Variants in FKBP8 observed in about 807,000 individuals in gnomAD.
FKBP8 encodes peptidyl-prolyl cis-trans isomerase FKBP8.
A neutral mutation model predicts 41.7 loss-of-function variants in FKBP8; 5 were observed. The observed-to-expected ratio is 0.12, with a 90% CI of 0.06 to 0.25. FKBP8 has a LOEUF of 0.25. Among genes scored for constraint, FKBP8 ranks in the 10% least tolerant of loss-of-function variants. The pLI is 1.00. For missense variants in FKBP8, 397 were observed against 563.0 expected, an observed-to-expected ratio of 0.71 and a Z score of 2.98; for synonymous variants, 279 against 254.5, an observed-to-expected ratio of 1.10 and a Z score of -0.92.
chr19:18,538,130 T>A lies in FKBP8; in HGVS notation c.772+86A>T. The A allele has an allele frequency of 7.3e-7, 1 of 1,378,028 alleles. No individual in the cohort carries two copies. The highest frequency in any genetic ancestry group is 1.0e-6 in the Non-Finnish European group (1 of 997,092). The allele number at this position is 1,378,028 out of a possible 1,614,324, so 85.4% of individuals were successfully genotyped here. On this transcript the variant is annotated intron_variant, in intron 5 of 8. Coordinates refer to ENST00000608443, the MANE Select transcript of FKBP8 (RefSeq NM_012181.5). This position sits in a 1 kb window ranked among gnomAD's most constrained non-coding sequence, Gnocchi z 4.0. The stretch of plus-strand genomic sequence containing the variant: ...CTGGGCTATTCTAGAATATTCTGAG[T>A]CTGAGGCTCTCTGGGGCTGGAAGTT...
intron 6 of FKBP8, among the ~76,000 whole-genome samples, chr19:18,536,692 T>A (rs1220381302): frequency 6.6e-6 from 1 of 152,154 alleles, no homozygotes; most frequent in African/African-American, 2.4e-5. Context: ...GCACCTACTA[T>A]GTACCTGGCC....
intron 7 of FKBP8, 122 bp from the exon 8 acceptor site, chr19:18,532,917 G>T: frequency 6.8e-7 from 1 of 1,464,946 alleles, no homozygotes; most frequent in Non-Finnish European, 9.1e-7. Flanking sequence ...GGTCCCATCT[G>T]CCCCTTTCTG....
At position 18,537,800 on chromosome 19, in the gene FKBP8, C is replaced by T; in HGVS notation, c.773-27G>A. 2 of 1,582,688 alleles carry T rather than the reference C, an allele frequency of 1.3e-6. No homozygotes were observed. The highest frequency in any genetic ancestry group is 2.3e-5 in the South Asian group (2 of 87,280). On this transcript the variant is annotated intron_variant, in intron 5 of 8. Transcript: ENST00000608443. The surrounding 1 kb of genome is among the most constrained non-coding windows in gnomAD (Gnocchi z 4.4). ...TATTGGGAGACAGTGCCCGCCACGG[C>T]AGCCGTCACCATGCCACCAGACACC... is the stretch of plus-strand genomic sequence containing the variant.
At chr19:18,532,374 TC>T in intron 8 of FKBP8, 119 bp from the exon 9 acceptor site, 12 of 1,087,800 alleles carry the variant, frequency 1.1e-5, no homozygotes, top group Middle Eastern at 4.0e-4. Flanking sequence ...ACTATGTATT[TC>T]CCACTTCCTG....
chr19:18,535,504 G>T lies in FKBP8; in HGVS notation c.945+2097C>A, dbSNP rs377594824. On this transcript the variant is annotated intron_variant, in intron 6 of 8. Transcript: ENST00000608443. The stretch of plus-strand genomic sequence containing the variant: ...GGAGAAGATGGAGCTGGGCGAAGTG[G>T]CTCACGCCTATAATCCCAGCACTTT... Among the ~76,000 whole-genome samples the T allele has an allele frequency of 5.3e-5, 8 of 151,656 alleles. No individual in the cohort carries two copies. In the East Asian group the frequency reaches 1.2e-3, roughly 22 times the overall value.
chr19:18,533,231 C>T (rs1212112140), intron 7 of FKBP8, 39 bp downstream of exon 7: 3 of 1,520,228 alleles, frequency 2.0e-6, no homozygotes, highest in African/African-American at 2.7e-5. Context: ...GAGGGACTTC[C>T]CAGCCGAGCA....
intron 2 of FKBP8, among the ~76,000 whole-genome samples, 158 bp downstream of exon 2, chr19:18,541,521 G>T (rs1023672553): frequency 2.6e-5 from 4 of 152,242 alleles, no homozygotes; most frequent in African/African-American, 9.6e-5. Context: ...TCAGTGGATA[G>T]AGTACATCAA....
At chr19:18,533,420 G>A in intron 6 of FKBP8, 73 bp from the exon 7 acceptor site, 1 of 1,271,998 alleles carries the variant, frequency 7.9e-7, no homozygotes, top group Non-Finnish European at 1.1e-6. Context: ...CAGCCCAGGA[G>A]GTTGCAGTGA....
rs1457483726 is a variant in FKBP8, at chr19:18,531,873, C to T, written c.*296G>A. ...CGGGGACTAGGCAGGGGAAGGGCTGCCCCCAGGCCTGTTGAGGAGAAACTG... is the reference window on the plus strand; with the variant it reads ...CGGGGACTAGGCAGGGGAAGGGCTGTCCCCAGGCCTGTTGAGGAGAAACTG... On this transcript the variant is annotated 3_prime_UTR_variant, in exon 9 of 9. Transcript: ENST00000608443. The T allele has an allele frequency of 1.3e-5, 5 of 397,494 alleles. No homozygotes were observed. Among genetic ancestry groups the T allele is most frequent in the Non-Finnish European group, 2.4e-5 (5 of 212,632 alleles). 24.6% of individuals were successfully genotyped at this position (397,494 alleles called of 1,614,324 possible). A position where few individuals can be genotyped will look rare whatever the true frequency, so the allele number is the denominator to read the frequency against.
chr19:18,537,706 C>G lies in FKBP8; in HGVS notation c.840G>C (p.Ala280=). The part of the protein sequence containing the change: ...QLKVKCLNNL[A]ASQLKLDHYR... ...AGTGGTCGAGCTTCAGCTGCGAGGC[C>G]GCCAGGTTGTTCAGACACTTCACCT... The change falls in exon 6 of 9, where the codon GCG becomes GCC. Residue 280 remains alanine, a synonymous_variant. Coordinates refer to ENST00000608443, the MANE Select transcript of FKBP8 (RefSeq NM_012181.5). This position sits in a 1 kb window ranked among gnomAD's most constrained non-coding sequence, Gnocchi z 4.4. 6.2e-7 allele frequency: 1 copy of G among 1,613,986 alleles called. No individual in the cohort carries two copies. Among genetic ancestry groups the G allele is most frequent in the Non-Finnish European group, 8.5e-7 (1 of 1,179,960 alleles).
At position 18,537,672 on chromosome 19, in the gene FKBP8, C is replaced by G; in HGVS notation, c.874G>C (p.Ala292Pro). 6.2e-7 allele frequency: 1 copy of G among 1,613,764 alleles called. No homozygotes were observed. Residue 292 changes from alanine (A) to proline (P), a missense_variant, in exon 6 of 9, where the codon GCC (alanine) becomes CCC (proline). Physicochemically the swap from Ala to Pro is conservative, Grantham distance 27. Around this residue, in one of 2 missense-constraint regions of FKBP8, gnomAD observed 225 missense variants for 366.8 expected, o/e 0.61. Transcript: ENST00000608443. This position sits in a 1 kb window ranked among gnomAD's most constrained non-coding sequence, Gnocchi z 4.4. ...SQLKLDHYRAALRSCSLVLEH... is the reference protein window; with the variant it reads ...SQLKLDHYRAPLRSCSLVLEH... ...AGCACAAGGCTGCAGGAGCGCAGGGCTGCGCGGTAGTGGTCGAGCTTCAGC... is the reference window on the plus strand; with the variant it reads ...AGCACAAGGCTGCAGGAGCGCAGGGGTGCGCGGTAGTGGTCGAGCTTCAGC...
rs140762580 is a variant in FKBP8, at chr19:18,534,293, C to T, written c.946-946G>A. Among the ~76,000 whole-genome samples, 1,029 of 151,980 alleles carry T rather than the reference C, an allele frequency of 6.8e-3. 10 individuals carry two copies. The highest frequency in any genetic ancestry group is 0.023 in the African/African-American group (971 of 41,494). ...CTGCAGTCCAGCCTGGGCGACAGAG[C>T]GAGACTCCGTCTCAAAAACAAACAA... On this transcript the variant is annotated intron_variant, in intron 6 of 8. Transcript: ENST00000608443.
At chr19:18,542,931 T>A (rs1406283501) in intron 1 of FKBP8, 35 of 1,201,980 alleles carry the variant, frequency 2.9e-5, no homozygotes, top group Non-Finnish European at 3.5e-5. Context: ...TGAGAGACCC[T>A]CCCAGCCCCC....
intron 1 of FKBP8, chr19:18,542,888 C>T: frequency 1.6e-6 from 2 of 1,284,088 alleles, no homozygotes; most frequent in South Asian, 1.2e-5. Flanking sequence ...TAACCCTCAC[C>T]TGCCTGCTCC....
chr19:18,535,904 C>T (rs1439107917), intron 6 of FKBP8: 1 of 151,840 alleles, frequency 6.6e-6, no homozygotes, highest in East Asian at 1.9e-4. Context: ...GCCAGCTAAT[C>T]CAAACTTGGC....
At chr19:18,532,591 T>G in intron 8 of FKBP8, 73 bp downstream of exon 8, 2 of 1,573,940 alleles carry the variant, frequency 1.3e-6, no homozygotes, top group Non-Finnish European at 1.7e-6. Flanking sequence ...AGGACATCCA[T>G]GTATGCAAAA....
In FKBP8 at chr19:18,532,927, G is replaced by GAA. The variant is rs1289299587; in HGVS notation, c.1024-133_1024-132insTT. 4.9e-6 allele frequency: 7 copies of GAA among 1,431,256 alleles called. No homozygotes were observed. In the African/African-American group the frequency reaches 5.7e-5, roughly 12 times the overall value. The allele number at this position is 1,431,256 out of a possible 1,614,324, so 88.7% of individuals were successfully genotyped here. ...ACAGGGGTCCCATCTGCCCCTTTCT[G>GAA]GGCTTAGCAAAGTCAGGGCTGCTGA... On this transcript the variant is annotated intron_variant, in intron 7 of 8. Transcript: ENST00000608443.
rs1205317694 is a variant in FKBP8, at chr19:18,532,103, T to TGGGGGAGTTGGGGAGCGCAGGGC, written c.*43_*65dup. 1 of 1,381,278 alleles carries TGGGGGAGTTGGGGAGCGCAGGGC rather than the reference T, an allele frequency of 7.2e-7. No individual in the cohort carries two copies. The highest frequency in any genetic ancestry group is 1.4e-5 in the African/African-American group (1 of 69,708). 85.6% of individuals were successfully genotyped at this position (1,381,278 alleles called of 1,614,324 possible). A position where few individuals can be genotyped will look rare whatever the true frequency, so the allele number is the denominator to read the frequency against. ...CAGGGAGGGCAGTGGACAGGGAGCC[T>TGGGGGAGTTGGGGAGCGCAGGGC]GGGGGAGTTGGGGAGCGCAGGGCAG... is the stretch of plus-strand genomic sequence containing the variant. On this transcript the variant is annotated 3_prime_UTR_variant, in exon 9 of 9. Coordinates refer to ENST00000608443, the MANE Select transcript of FKBP8 (RefSeq NM_012181.5).
At chr19:18,542,864 C>T in intron 1 of FKBP8, 1 of 1,276,832 alleles carries the variant, frequency 7.8e-7, no homozygotes. Flanking sequence ...AACCAGCCCG[C>T]CGCATCCCCT....
Sources: gnomAD v4.1 joint callset for allele counts (sites outside exome capture counted in the v4.1 genomes callset) on GRCh38, gnomAD v4.1.1 for gene constraint, gnomAD v4.1.1 regional missense constraint, Gnocchi (gnomAD v3.1) non-coding constraint, MANE v1.5 for transcripts, NCBI Gene and HGNC (gene_info 2026-07-23, HGNC 2026-07-21) for gene names.